The following SMAD6 variants were observed in gnomAD, a reference collection of about 807,000 sequenced individuals.
SMAD6 encodes the protein SMAD family member 6.
Under a neutral mutation model 39.4 loss-of-function variants are expected in SMAD6, and 103 were observed. The observed-to-expected ratio is 2.62, with a 90% CI of 2.23 to 3.08. The LOEUF is 3.08. Ranked by LOEUF, SMAD6 falls within the 30% of genes most tolerant of loss-of-function variation. SMAD6 has a pLI of 0.00. For synonymous variants in SMAD6, 445 were observed against 353.3 expected, an observed-to-expected ratio of 1.26 and a Z score of -2.91; for missense variants, 1,104 against 742.9, an observed-to-expected ratio of 1.49 and a Z score of -5.65.
chr15:66,762,148 A>G (rs1380443213), intron 3 of SMAD6, among the ~76,000 whole-genome samples: 1 of 152,248 alleles, frequency 6.6e-6, no homozygotes, highest in African/African-American at 2.4e-5. Flanking sequence ...AGCCCACTAA[A>G]GAACTTGGAA....
intron 3 of SMAD6, chr15:66,716,897 A>T (rs1476001045): frequency 1.0e-6 from 1 of 998,040 alleles, no homozygotes; most frequent in African/African-American, 1.7e-5. Flanking sequence ...GGAGGGACCA[A>T]TGTGAAGGGT....
At chr15:66,713,392 C>T (rs1201786148) in intron 2 of SMAD6, among the ~76,000 whole-genome samples, 1 of 152,116 alleles carries the variant, frequency 6.6e-6, no homozygotes, top group Non-Finnish European at 1.5e-5. Flanking sequence ...TGAATTCGGC[C>T]CACTGCAACC....
intron 3 of SMAD6, among the ~76,000 whole-genome samples, chr15:66,779,394 C>CT (rs1567115331): frequency 6.6e-5 from 10 of 152,314 alleles, no homozygotes; most frequent in African/African-American, 2.4e-4. Context: ...TGGATTACCC[C>CT]CCAGCAGACT....
chr15:66,719,495 G>A (rs990574479), intron 3 of SMAD6, among the ~76,000 whole-genome samples: 2 of 152,058 alleles, frequency 1.3e-5, no homozygotes, highest in African/African-American at 2.4e-5. Context: ...TGCCGATCCC[G>A]AGAGCCTTGT....
chr15:66,704,071 GC>G lies in SMAD6; in HGVS notation c.816del (p.Glu273AsnfsTer266). ...CCTACCACTTCAGCCGGCTCTGCGG[GC>G]CCGGTGAGCGCGCTGCGCCGGCCGG... is the stretch of plus-strand genomic sequence containing the variant. ...NPYHFSRLCG[P>X]ESPPPPYSRL... On this transcript the variant is annotated frameshift_variant, in exon 1 of 4. Transcript: ENST00000288840. LOFTEE classifies it high-confidence loss of function. 6.7e-7 allele frequency: 1 copy of G among 1,483,732 alleles called. No individual in the cohort carries two copies. The allele number at this position is 1,483,732 out of a possible 1,614,324, so 91.9% of individuals were successfully genotyped here. A position where few individuals can be genotyped will look rare whatever the true frequency, so the allele number is the denominator to read the frequency against.
intron 3 of SMAD6, among the ~76,000 whole-genome samples, chr15:66,723,179 G>A (rs994985120): frequency 6.6e-6 from 1 of 152,288 alleles, no homozygotes; most frequent in Middle Eastern, 3.4e-3. Flanking sequence ...GGGAGGGGAT[G>A]GGTGTCTTGG....
intron 3 of SMAD6, among the ~76,000 whole-genome samples, chr15:66,740,235 G>A (rs1002493906): frequency 1.3e-5 from 2 of 152,192 alleles, no homozygotes; most frequent in African/African-American, 4.8e-5. Context: ...CAGTCCTGTG[G>A]ACATCCAGCA....
At chr15:66,708,848 T>C in intron 1 of SMAD6, 1 of 442,036 alleles carries the variant, frequency 2.3e-6, no homozygotes, top group Non-Finnish European at 4.8e-6. Flanking sequence ...TAGATGGTGG[T>C]TGATGGTTGC....
At chr15:66,710,284 A>G (rs1388605107) in intron 1 of SMAD6, among the ~76,000 whole-genome samples, 1 of 152,248 alleles carries the variant, frequency 6.6e-6, no homozygotes, top group African/African-American at 2.4e-5. Context: ...AGTAAAATTG[A>G]AAGTGATTGG....
At chr15:66,706,236 G>C (rs747457642) in intron 1 of SMAD6, 6 of 152,248 alleles carry the variant, frequency 3.9e-5, no homozygotes, top group Non-Finnish European at 7.3e-5. Flanking sequence ...CAGCCACCGT[G>C]CTGGTCAGTG....
At position 66,764,296 on chromosome 15, in the gene SMAD6, C is replaced by CT. The variant is rs924807403; in HGVS notation, c.953-16689dup. On this transcript the variant is annotated intron_variant, in intron 3 of 3. Coordinates refer to ENST00000288840, the MANE Select transcript of SMAD6 (RefSeq NM_005585.5). ...TATATTTTGCATTTGTTTATCAAAACTTTTTTTTTTTTACTTCGACCCAGC... is the reference window on the plus strand; with the variant it reads ...TATATTTTGCATTTGTTTATCAAAACTTTTTTTTTTTTTACTTCGACCCAGC... Among the ~76,000 whole-genome samples, 110 of 146,348 alleles carry CT rather than the reference C, an allele frequency of 7.5e-4. 1 individual carries two copies. The highest frequency in any genetic ancestry group is 1.7e-3 in the African/African-American group (69 of 40,080).
chr15:66,732,656 C>T (rs1159311332), intron 3 of SMAD6, among the ~76,000 whole-genome samples: 1 of 152,184 alleles, frequency 6.6e-6, no homozygotes, highest in Non-Finnish European at 1.5e-5. Context: ...GCCATCTCAC[C>T]TGGCCAATTT....
intron 3 of SMAD6, among the ~76,000 whole-genome samples, chr15:66,739,641 T>G (rs542996126): frequency 6.6e-6 from 1 of 152,258 alleles, no homozygotes; most frequent in Admixed American, 6.5e-5. Flanking sequence ...GGAAAACTTG[T>G]ACCTATTTGC....
chr15:66,717,396 A>G (rs1595766749), intron 3 of SMAD6: 2 of 455,748 alleles, frequency 4.4e-6, no homozygotes, highest in Non-Finnish European at 8.8e-6. Flanking sequence ...TATGGCCGGC[A>G]CTCCACTTGG....
At chr15:66,757,374 C>T (rs752103590) in intron 3 of SMAD6, among the ~76,000 whole-genome samples, 2 of 152,162 alleles carry the variant, frequency 1.3e-5, no homozygotes, top group Non-Finnish European at 2.9e-5. Flanking sequence ...TCCAGCCACC[C>T]TTTCCTTAAG....
chr15:66,711,899 C>T (rs1339191079), intron 2 of SMAD6, among the ~76,000 whole-genome samples, 175 bp downstream of exon 2: 1 of 151,958 alleles, frequency 6.6e-6, no homozygotes, highest in African/African-American at 2.4e-5. Context: ...CACAGTTGGG[C>T]CAAAGCAGAC....
chr15:66,714,866 C>G (rs1485760375), intron 2 of SMAD6, among the ~76,000 whole-genome samples: 1 of 152,178 alleles, frequency 6.6e-6, no homozygotes, highest in Non-Finnish European at 1.5e-5. Flanking sequence ...CCTCACAATG[C>G]TGTCTGTGTT....
chr15:66,703,830 T>G lies in SMAD6; in HGVS notation c.572T>G (p.Leu191Arg), dbSNP rs1213841516. The G allele has an allele frequency of 7.1e-7, 1 of 1,408,018 alleles. No homozygotes were observed. The highest frequency in any genetic ancestry group is 3.3e-5 in the East Asian group (1 of 30,402). 87.2% of individuals were successfully genotyped at this position (1,408,018 alleles called of 1,614,324 possible). Residue 191 changes from leucine to arginine, a missense_variant, in exon 1 of 4, where the codon CTG (leucine) becomes CGG (arginine). Coordinates refer to ENST00000288840, the MANE Select transcript of SMAD6 (RefSeq NM_005585.5). ...KRLKERSLDT[L>R]LEAVESRGGV... is the part of the protein sequence containing the mutation. ...CTCAAGGAGCGCTCGCTGGACACGC[T>G]GCTGGAGGCGGTGGAGTCCCGCGGC...
chr15:66,756,120 C>G (rs1167184609), intron 3 of SMAD6, among the ~76,000 whole-genome samples: 1 of 152,058 alleles, frequency 6.6e-6, no homozygotes, highest in African/African-American at 2.4e-5. Flanking sequence ...TCCCCCTTCT[C>G]CCTGTCCCTC....
Sources: gnomAD v4.1 joint callset for allele counts (sites outside exome capture counted in the v4.1 genomes callset) on GRCh38, gnomAD v4.1.1 for gene constraint, MANE v1.5 for transcripts, NCBI Gene and HGNC (gene_info 2026-07-23, HGNC 2026-07-21) for gene names.